SAMTOR: variants seen among roughly 807,000 people sequenced by gnomAD.
SAMTOR encodes the protein UPF0532 protein C7orf60.
chr7:112,897,555 C>T, the SAMTOR span, among the ~76,000 whole-genome samples: 1 of 152,030 alleles, frequency 6.6e-6, no homozygotes, highest in African/African-American at 2.4e-5. Flanking sequence ...CCAATATCCC[C>T]ATATACCCTC....
At chr7:112,839,219 C>A in the SAMTOR span, among the ~76,000 whole-genome samples, 1 of 151,850 alleles carries the variant, frequency 6.6e-6, no homozygotes, top group East Asian at 1.9e-4. Flanking sequence ...ATTTCACCAT[C>A]ATAAGAATGA....
chr7:112,877,779 CCT>C, the SAMTOR span, among the ~76,000 whole-genome samples: 125 of 152,022 alleles, frequency 8.2e-4, no homozygotes, highest in African/African-American at 2.7e-3. Flanking sequence ...TCTTGTGAGA[CCT>C]TGTGAGACCT....
chr7:112,883,394 T>C, the SAMTOR span, among the ~76,000 whole-genome samples: 4 of 152,216 alleles, frequency 2.6e-5, no homozygotes, highest in Admixed American at 1.3e-4. Flanking sequence ...AAGTATATCT[T>C]GAGTACTAAA....
chr7:112,838,542 A>T, the SAMTOR span, among the ~76,000 whole-genome samples: 7 of 151,930 alleles, frequency 4.6e-5, no homozygotes, highest in African/African-American at 1.7e-4. Flanking sequence ...TGCTTTAAGT[A>T]TGAGATGGGA....
At chr7:112,928,418 T>G in the SAMTOR span, among the ~76,000 whole-genome samples, 6 of 151,956 alleles carry the variant, frequency 3.9e-5, no homozygotes, top group African/African-American at 7.2e-5. Context: ...CTGCCATCCT[T>G]ACGGTACTTT....
the SAMTOR span, among the ~76,000 whole-genome samples, chr7:112,889,003 G>C: frequency 6.6e-6 from 1 of 152,136 alleles, no homozygotes. Flanking sequence ...ATGCAAAACA[G>C]CATTCTAGTG....
chr7:112,867,849 TG>T, the SAMTOR span, among the ~76,000 whole-genome samples: 1 of 152,192 alleles, frequency 6.6e-6, no homozygotes, highest in East Asian at 1.9e-4. Context: ...GGCTGCAAAC[TG>T]GTATTGGTCC....
the SAMTOR span, among the ~76,000 whole-genome samples, chr7:112,932,266 A>G: frequency 6.6e-6 from 1 of 152,174 alleles, no homozygotes; most frequent in African/African-American, 2.4e-5. Flanking sequence ...AGAGACATAC[A>G]TTATACCCAC....
the SAMTOR span, among the ~76,000 whole-genome samples, chr7:112,906,573 C>CTTT: frequency 1.5e-3 from 216 of 144,536 alleles, no homozygotes; most frequent in Middle Eastern, 0.011. Flanking sequence ...AAAGACATAT[C>CTTT]TTTTTTTTTT....
chr7:112,887,382 A>G, the SAMTOR span, among the ~76,000 whole-genome samples: 1 of 151,938 alleles, frequency 6.6e-6, no homozygotes, highest in East Asian at 1.9e-4. Flanking sequence ...ATCAGTCAGG[A>G]ACAAGAAAAT....
chr7:112,860,006 G>C, the SAMTOR span, among the ~76,000 whole-genome samples: 1 of 152,082 alleles, frequency 6.6e-6, no homozygotes, highest in Non-Finnish European at 1.5e-5. Flanking sequence ...GCAACTTCTA[G>C]TCCCGTAAGT....
the SAMTOR span, chr7:112,822,506 T>C: frequency 1.2e-6 from 1 of 817,594 alleles, no homozygotes; most frequent in Non-Finnish European, 1.8e-6. Flanking sequence ...TTTTAAATTA[T>C]TAAACTTGAA....
the SAMTOR span, among the ~76,000 whole-genome samples, chr7:112,867,383 C>G: frequency 6.6e-6 from 1 of 152,084 alleles, no homozygotes; most frequent in Non-Finnish European, 1.5e-5. Context: ...TAATTCTGTT[C>G]AAAGCATGAG....
At chr7:112,830,056 T>C in the SAMTOR span, among the ~76,000 whole-genome samples, 12 of 152,130 alleles carry the variant, frequency 7.9e-5, no homozygotes, top group Non-Finnish European at 1.8e-4. Context: ...CTAGAAACTC[T>C]AGCTGCCTCG....
chr7:112,890,637 A>T, the SAMTOR span, among the ~76,000 whole-genome samples: 2 of 150,956 alleles, frequency 1.3e-5, no homozygotes, highest in African/African-American at 2.4e-5. Context: ...GTGATTACAA[A>T]ATATATATAT....
chr7:112,877,021 T>A, the SAMTOR span, among the ~76,000 whole-genome samples: 2 of 152,170 alleles, frequency 1.3e-5, no homozygotes, highest in Non-Finnish European at 2.9e-5. Flanking sequence ...TTTATAACAC[T>A]CTCTTGCTAG....
At chr7:112,840,356 T>C in the SAMTOR span, among the ~76,000 whole-genome samples, 2 of 151,944 alleles carry the variant, frequency 1.3e-5, no homozygotes, top group Non-Finnish European at 2.9e-5. Context: ...TCATTTTGTG[T>C]ATTTCAATTC....
At chr7:112,899,192 A>G in the SAMTOR span, among the ~76,000 whole-genome samples, 1 of 152,204 alleles carries the variant, frequency 6.6e-6, no homozygotes, top group Admixed American at 6.5e-5. Flanking sequence ...CTTCAAAAAA[A>G]CAGAGAAGGA....
At chr7:112,936,664 A>C in the SAMTOR span, among the ~76,000 whole-genome samples, 2 of 152,192 alleles carry the variant, frequency 1.3e-5, no homozygotes, top group Non-Finnish European at 2.9e-5. Context: ...AGGGAAAAGA[A>C]GGCTCTGTTC....
Sources: gnomAD v4.1 joint callset for allele counts (sites outside exome capture counted in the v4.1 genomes callset) on GRCh38, gnomAD v4.1.1 for gene constraint, MANE v1.5 for transcripts, NCBI Gene and HGNC (gene_info 2026-07-23, HGNC 2026-07-21) for gene names.